ADK: variants seen among roughly 807,000 people sequenced by gnomAD.
ADK encodes adenosine kinase.
In ADK, 24 loss-of-function variants were observed where a neutral mutation model predicts 44.7. The ratio of observed to expected loss-of-function variants is 0.54; its 90% CI spans 0.39 to 0.76. The LOEUF (loss-of-function observed/expected upper bound fraction) is 0.76. Ranked by LOEUF, ADK falls within the 30% of genes least tolerant of loss-of-function variation. The pLI, the probability that ADK is intolerant of heterozygous loss-of-function variation, is 0.00. For synonymous variants in ADK, 128 were observed against 142.6 expected (o/e 0.90, Z 0.73); for missense variants, 321 against 425.1 (o/e 0.76, Z 2.15).
chr10:74,365,355 C>A (rs1431159743), intron 4 of ADK, among the ~76,000 whole-genome samples: 19 of 152,202 alleles, frequency 1.2e-4, no homozygotes, highest in Admixed American at 1.2e-3. Context: ...CTGGAGGTTT[C>A]ATATACATGA....
At chr10:74,705,616 T>G (rs534888834) in intron 10 of ADK, among the ~76,000 whole-genome samples, 140 of 152,338 alleles carry the variant, frequency 9.2e-4, no homozygotes, top group African/African-American at 3.0e-3. Flanking sequence ...TTTACAAGTC[T>G]TTGTGTGGAT....
intron 1 of ADK, among the ~76,000 whole-genome samples, chr10:74,159,938 C>T (rs1841845704): frequency 6.6e-6 from 1 of 152,180 alleles, no homozygotes; most frequent in African/African-American, 2.4e-5. Context: ...CACCGCTTGT[C>T]TCTGTTGTCC....
At chr10:74,569,119 T>C (rs1413425473) in intron 7 of ADK, among the ~76,000 whole-genome samples, 1 of 152,222 alleles carries the variant, frequency 6.6e-6, no homozygotes, top group African/African-American at 2.4e-5. Flanking sequence ...TCATTTTTTA[T>C]GGCTGCATAG....
At chr10:74,275,605 C>G (rs1279060217) in intron 3 of ADK, among the ~76,000 whole-genome samples, 1 of 152,156 alleles carries the variant, frequency 6.6e-6, no homozygotes, top group Non-Finnish European at 1.5e-5. Context: ...TGATTTACAG[C>G]CCAGACTACT....
chr10:74,219,514 C>G (rs1844206573), intron 2 of ADK, among the ~76,000 whole-genome samples: 1 of 151,916 alleles, frequency 6.6e-6, no homozygotes, highest in Non-Finnish European at 1.5e-5. Flanking sequence ...CTGCACCAAG[C>G]AGACCTAATA....
chr10:74,175,110 A>T (rs1450072809), intron 1 of ADK, among the ~76,000 whole-genome samples: 1 of 152,190 alleles, frequency 6.6e-6, no homozygotes, highest in Non-Finnish European at 1.5e-5. Flanking sequence ...AAAAGGTAAA[A>T]AAGAGGCCAG....
At position 74,402,129 on chromosome 10, in the gene ADK, CCCTTTGTGAGTAACCCAA is replaced by C. The variant is rs547529457; in HGVS notation, c.555+3556_555+3573del. Among the ~76,000 whole-genome samples the C allele has an allele frequency of 3.2e-3, 485 of 152,274 alleles. 3 individuals carry two copies. The highest frequency in any genetic ancestry group is 0.011 in the African/African-American group (452 of 41,544). On this transcript the variant is annotated intron_variant, in intron 6 of 10. Transcript: ENST00000539909. The stretch of plus-strand genomic sequence containing the variant: ...GATCTGCTGTTATTCTGATGGGCTT[CCCTTTGTGAGTAACCCAA>C]CCTTTCTCTCTGGCTGCCCTTAACA...
chr10:74,192,228 CTTTT>C (rs1842975839), intron 1 of ADK, among the ~76,000 whole-genome samples: 1 of 149,450 alleles, frequency 6.7e-6, no homozygotes, highest in African/African-American at 2.5e-5. Context: ...CTTTTTCTTT[CTTTT>C]ATTTGTTTTT....
intron 4 of ADK, among the ~76,000 whole-genome samples, chr10:74,356,748 C>T (rs146532742): frequency 6.6e-6 from 1 of 152,262 alleles, no homozygotes; most frequent in African/African-American, 2.4e-5. Context: ...CATTATTAAT[C>T]CCATTTACAG....
intron 6 of ADK, among the ~76,000 whole-genome samples, chr10:74,515,768 G>A (rs1297707978): frequency 6.6e-6 from 1 of 152,126 alleles, no homozygotes; most frequent in Non-Finnish European, 1.5e-5. Flanking sequence ...AGTTTGGCCA[G>A]CTTAAGAGCA....
chr10:74,411,413 A>G (rs993275583), intron 6 of ADK, among the ~76,000 whole-genome samples: 49 of 152,240 alleles, frequency 3.2e-4, no homozygotes, highest in African/African-American at 1.2e-3. Flanking sequence ...CAATAAAGCA[A>G]ATATCACAAT....
At position 74,372,150 on chromosome 10, in the gene ADK, A is replaced by G. The variant is rs987762447; in HGVS notation, c.274-21991A>G. The G allele has an allele frequency of 8.0e-6, 6 of 751,794 alleles. No individual in the cohort carries two copies. In the East Asian group the frequency reaches 9.8e-5, roughly 12 times the overall value. The allele number at this position is 751,794 out of a possible 1,614,324, so 46.6% of individuals were successfully genotyped here. On this transcript the variant is annotated intron_variant, in intron 4 of 10. Coordinates refer to ENST00000539909, the MANE Select transcript of ADK (RefSeq NM_006721.4). Reference sequence around the variant, plus strand: ...CATGCCTGATCTCTACAGAGATCCTAAAGAGACTGAAAAAGCAGAGCAGCC... The same window carrying G: ...CATGCCTGATCTCTACAGAGATCCTGAAGAGACTGAAAAAGCAGAGCAGCC...
chr10:74,692,756 A>G (rs1225747053), intron 10 of ADK, among the ~76,000 whole-genome samples: 2 of 152,202 alleles, frequency 1.3e-5, no homozygotes, highest in African/African-American at 4.8e-5. Flanking sequence ...TGTTACAATT[A>G]CCTAAAATTC....
chr10:74,165,246 T>C (rs1182004253), intron 1 of ADK, among the ~76,000 whole-genome samples: 1 of 152,148 alleles, frequency 6.6e-6, no homozygotes, highest in Non-Finnish European at 1.5e-5. Context: ...TTTTAGACTT[T>C]TTAGATTATT....
At chr10:74,336,931 C>T (rs1841429172) in intron 4 of ADK, among the ~76,000 whole-genome samples, 1 of 152,198 alleles carries the variant, frequency 6.6e-6, no homozygotes, top group African/African-American at 2.4e-5. Context: ...TCCCCCACTT[C>T]CAAGTATTTT....
At chr10:74,153,537 T>C (rs2132023273) in intron 1 of ADK, among the ~76,000 whole-genome samples, 1 of 152,356 alleles carries the variant, frequency 6.6e-6, no homozygotes, top group African/African-American at 2.4e-5. Flanking sequence ...AGAATCAGGC[T>C]CTGACATGTT....
chr10:74,347,532 C>T (rs887841317), intron 4 of ADK, among the ~76,000 whole-genome samples: 10 of 151,874 alleles, frequency 6.6e-5, no homozygotes, highest in South Asian at 2.1e-4. Flanking sequence ...AGTTTTTTTT[C>T]GTACCCCAGT....
At chr10:74,616,007 C>T (rs768656548) in intron 9 of ADK, among the ~76,000 whole-genome samples, 1 of 152,138 alleles carries the variant, frequency 6.6e-6, no homozygotes, top group Non-Finnish European at 1.5e-5. Flanking sequence ...TCGTGCCTGG[C>T]CTTGCTTACT....
intron 9 of ADK, among the ~76,000 whole-genome samples, chr10:74,662,242 C>T (rs1854762340): frequency 6.6e-6 from 1 of 152,082 alleles, no homozygotes; most frequent in South Asian, 2.1e-4. Flanking sequence ...ACCCTCAACC[C>T]CTGCCATTCC....
Sources: allele counts gnomAD v4.1 joint callset (sites outside exome capture counted in the v4.1 genomes callset), GRCh38; gene constraint gnomAD v4.1.1; transcripts MANE v1.5; gene names NCBI Gene and HGNC (gene_info 2026-07-23, HGNC 2026-07-21).